DPYSL5: variants seen among roughly 807,000 people sequenced by gnomAD.
DPYSL5 encodes dihydropyrimidinase like 5.
A neutral mutation model predicts 58.4 loss-of-function variants in DPYSL5; 9 were observed. The ratio of observed to expected loss-of-function variants is 0.15; its 90% confidence interval spans 0.09 to 0.27. The LOEUF (loss-of-function observed/expected upper bound fraction) is 0.27, where lower values mean the gene tolerates loss of function less well. Among genes scored for constraint, DPYSL5 ranks in the 10% least tolerant of loss-of-function variants. DPYSL5 has a pLI of 1.00. For synonymous variants in DPYSL5, 293 were observed against 301.9 expected (o/e 0.97, Z 0.31); for missense variants, 499 against 770.6 (o/e 0.65, Z 4.17).
intron 1 of DPYSL5, among the ~76,000 whole-genome samples, chr2:26,866,246 T>G (rs530476): frequency 0.013 from 2,048 of 152,280 alleles, 51 homozygotes; most frequent in African/African-American, 0.046. Flanking sequence ...GGATAAGAAA[T>G]GAAATACATA....
At chr2:26,883,806 G>T (rs758923866) in intron 1 of DPYSL5, among the ~76,000 whole-genome samples, 1 of 152,214 alleles carries the variant, frequency 6.6e-6, no homozygotes, top group Non-Finnish European at 1.5e-5. Context: ...AGAGAAGAAA[G>T]TAGTTTTATA....
intron 5 of DPYSL5, 30 bp from the exon 6 acceptor site, chr2:26,931,610 T>C (rs760592481): frequency 6.2e-6 from 10 of 1,613,540 alleles, no homozygotes; most frequent in East Asian, 2.2e-5. Context: ...TGGTGAAGTT[T>C]GGTTTCCTCC....
chr2:26,947,178 A>T lies in DPYSL5; in HGVS notation c.*183A>T. On this transcript the variant is annotated 3_prime_UTR_variant, in exon 13 of 13. Transcript: ENST00000288699. This position sits in a 1 kb window ranked among gnomAD's most constrained non-coding sequence, Gnocchi z 4.2. ...CACTGTGCTTCGAGCCAACTCTAAC[A>T]GGCACTTTGAGATGTGTTCCTCCTG... 1 of 574,942 alleles carries T rather than the reference A, an allele frequency of 1.7e-6. No homozygotes were observed. Among genetic ancestry groups the T allele is most frequent in the Non-Finnish European group, 3.1e-6 (1 of 318,474 alleles). 35.6% of individuals were successfully genotyped at this position (574,942 alleles called of 1,614,324 possible). A position where few individuals can be genotyped will look rare whatever the true frequency, so the allele number is the denominator to read the frequency against.
At position 26,924,648 on chromosome 2, in the gene DPYSL5, T is replaced by C. The variant is rs1018845758; in HGVS notation, c.262-239T>C. Reference sequence around the variant, plus strand: ...ATGTGGTTTTTCCAGCGCGCCAAGCTGAAACCCTGGCGGAGGAAGAAGCAG... The same window carrying C: ...ATGTGGTTTTTCCAGCGCGCCAAGCCGAAACCCTGGCGGAGGAAGAAGCAG... On this transcript the variant is annotated intron_variant, in intron 2 of 12. Coordinates refer to ENST00000288699, the MANE Select transcript of DPYSL5 (RefSeq NM_020134.4). This position sits in a 1 kb window ranked among gnomAD's most constrained non-coding sequence, Gnocchi z 4.7. 1.3e-5 allele frequency among the ~76,000 whole-genome samples: 2 copies of C among 152,106 alleles called. No individual in the cohort carries two copies. The highest frequency in any genetic ancestry group is 4.8e-5 in the African/African-American group (2 of 41,426).
At position 26,942,054 on chromosome 2, in the gene DPYSL5, C is replaced by G. The variant is rs202116000; in HGVS notation, c.1194C>G (p.Ala398=). 20 of 1,614,142 alleles carry G rather than the reference C, an allele frequency of 1.2e-5. No homozygotes were observed. The highest frequency in any genetic ancestry group is 1.7e-5 in the Non-Finnish European group (20 of 1,180,040). Residue 398 remains alanine, a synonymous_variant, in exon 10 of 13, where the codon GCC becomes GCG. Coordinates refer to ENST00000288699, the MANE Select transcript of DPYSL5 (RefSeq NM_020134.4). The surrounding 1 kb of genome is among the most constrained non-coding windows in gnomAD (Gnocchi z 5.9). ...GCAAGGGCCGCATTATTCCCGGAGC[C>G]GATGCTGATGTGGTGGTGTGGGACC... ...YPRKGRIIPG[A]DADVVVWDPE...
rs1665581003 is a variant in DPYSL5 at position 26,949,554 on chromosome 2, A to G, written c.*2559A>G. Reference sequence around the variant, plus strand: ...TTGGGCAGATGTCAAAGAGCCCAGCAGCAGCGGTGGTGGCCAGCTGGGCAG... The same window carrying G: ...TTGGGCAGATGTCAAAGAGCCCAGCGGCAGCGGTGGTGGCCAGCTGGGCAG... On this transcript the variant is annotated 3_prime_UTR_variant, in exon 13 of 13. Transcript: ENST00000288699. The G allele has an allele frequency of 2.0e-5, 3 of 152,372 alleles. No individual in the cohort carries two copies. The highest frequency in any genetic ancestry group is 2.9e-5 in the Non-Finnish European group (2 of 68,170). 9.4% of individuals were successfully genotyped at this position (152,372 alleles called of 1,614,324 possible).
rs199980878 is a variant in DPYSL5 at position 26,885,215 on chromosome 2, T to TA, written c.-4-13272dup. ...CTCTGTCTCAAAAAACAAAACAAAA[T>TA]AAAAAAAAACCTGTCTCAGGAGCAA... is the stretch of plus-strand genomic sequence containing the variant. On this transcript the variant is annotated intron_variant, in intron 1 of 12. Coordinates refer to ENST00000288699, the MANE Select transcript of DPYSL5 (RefSeq NM_020134.4). 2.5e-3 allele frequency among the ~76,000 whole-genome samples: 370 copies of TA among 150,548 alleles called. 2 individuals are homozygous for TA. The highest frequency in any genetic ancestry group is 0.01 in the Middle Eastern group (3 of 292).
intron 9 of DPYSL5, among the ~76,000 whole-genome samples, chr2:26,940,614 C>T (rs1665293283): frequency 1.3e-5 from 2 of 151,712 alleles, no homozygotes; most frequent in South Asian, 4.2e-4. Context: ...AGGTGTGAGC[C>T]ACCACACCCA....
chr2:26,922,433 A>G (rs954198595), intron 2 of DPYSL5, among the ~76,000 whole-genome samples: 2 of 152,230 alleles, frequency 1.3e-5, no homozygotes, highest in African/African-American at 4.8e-5. Context: ...AGGAGGATAG[A>G]GTATATTCTG....
intron 1 of DPYSL5, among the ~76,000 whole-genome samples, chr2:26,895,049 A>T (rs1259057956): frequency 6.6e-6 from 1 of 152,238 alleles, no homozygotes; most frequent in Non-Finnish European, 1.5e-5. Flanking sequence ...TGTTGAAAAG[A>T]CTGTCCTCCC....
chr2:26,873,593 C>G (rs953352765), intron 1 of DPYSL5, among the ~76,000 whole-genome samples: 26 of 152,128 alleles, frequency 1.7e-4, no homozygotes, highest in African/African-American at 5.1e-4. Context: ...ATTGAGGAAC[C>G]CTGCTATAGA....
Position 26,948,659 on chromosome 2 carries a change from C to T in DPYSL5, c.*1664C>T, listed in dbSNP as rs1665551524. 1 of 152,556 alleles carries T rather than the reference C, an allele frequency of 6.6e-6. No individual in the cohort carries two copies. The highest frequency in any genetic ancestry group is 1.5e-5 in the Non-Finnish European group (1 of 68,358). 9.5% of individuals were successfully genotyped at this position (152,556 alleles called of 1,614,324 possible). A position where few individuals can be genotyped will look rare whatever the true frequency, so the allele number is the denominator to read the frequency against. On this transcript the variant is annotated 3_prime_UTR_variant, in exon 13 of 13. Transcript: ENST00000288699. ...GGATCATGGAGTCAGGAGATCGAGA[C>T]CATCCTGGCTAACACGGTGAAACCC...
intron 12 of DPYSL5, among the ~76,000 whole-genome samples, chr2:26,945,304 CTT>C (rs71401543): frequency 2.8e-5 from 4 of 140,888 alleles, no homozygotes; most frequent in Admixed American, 7.0e-5. Context: ...CCTTCACCTT[CTT>C]TTTTTTTTTT....
chr2:26,865,312 C>CTTTTTTTTTTTTTTTTTTTTTT (rs1192892146), intron 1 of DPYSL5, among the ~76,000 whole-genome samples: 1 of 89,588 alleles, frequency 1.1e-5, no homozygotes, highest in Non-Finnish European at 2.1e-5. Context: ...GTTTTGTGTT[C>CTTTTTTTTTTTTTTTTTTTTTT]TTTTTTTTTT....
intron 1 of DPYSL5, among the ~76,000 whole-genome samples, chr2:26,865,612 C>A (rs996255453): frequency 2.6e-5 from 4 of 152,154 alleles, no homozygotes; most frequent in African/African-American, 9.7e-5. Flanking sequence ...CACACCTGGC[C>A]TGTGTCCATT....
In DPYSL5 at chr2:26,932,133, GAAAGAGAA is replaced by G. The variant is rs1366513947; in HGVS notation, c.714+451_714+458del. On this transcript the variant is annotated intron_variant, in intron 6 of 12. Transcript: ENST00000288699. ...AAAAGAAAAAAGAAAGAGAAAGAAA[GAAAGAGAA>G]AGAAAGAAAGAAAGAAAGAAAGAAA... 1.7e-3 allele frequency among the ~76,000 whole-genome samples: 195 copies of G among 114,856 alleles called. 3 individuals are homozygous for G. Among genetic ancestry groups the G allele is most frequent in the African/African-American group, 6.9e-3 (185 of 26,932 alleles). The allele number at this position is 114,856 out of a possible 152,430, so 75.3% of individuals were successfully genotyped here. A position where few individuals can be genotyped will look rare whatever the true frequency, so the allele number is the denominator to read the frequency against.
intron 2 of DPYSL5, among the ~76,000 whole-genome samples, chr2:26,910,821 C>A (rs1358736018): frequency 6.6e-6 from 1 of 151,772 alleles, no homozygotes; most frequent in Non-Finnish European, 1.5e-5. Flanking sequence ...ATTTTTCTCC[C>A]AGTCTGTTAC....
intron 1 of DPYSL5, among the ~76,000 whole-genome samples, chr2:26,890,259 T>C (rs531589744): frequency 6.6e-6 from 1 of 152,268 alleles, no homozygotes; most frequent in East Asian, 1.9e-4. Context: ...GCAGACTGAG[T>C]TTCTTAAGAG....
intron 2 of DPYSL5, among the ~76,000 whole-genome samples, chr2:26,922,980 C>T (rs746225345): frequency 6.6e-6 from 1 of 152,148 alleles, no homozygotes; most frequent in African/African-American, 2.4e-5. Flanking sequence ...GCCCAGCCTG[C>T]GTCATGGAAC....
Sources: gnomAD v4.1 joint callset for allele counts (sites outside exome capture counted in the v4.1 genomes callset) on GRCh38, gnomAD v4.1.1 for gene constraint, Gnocchi (gnomAD v3.1) non-coding constraint, MANE v1.5 for transcripts, NCBI Gene and HGNC (gene_info 2026-07-23, HGNC 2026-07-21) for gene names.